Variants in WDR27 observed in about 807,000 individuals in gnomAD.
WDR27 encodes the protein WD repeat-containing protein 27.
WDR27 carries 100 observed loss-of-function variants against 114.4 expected under a neutral mutation model. The ratio of observed to expected loss-of-function variants is 0.87; its 90% CI spans 0.74 to 1.03. WDR27 has a LOEUF of 1.03. Among genes scored for constraint, WDR27 ranks in the 50% least tolerant of loss-of-function variants. The pLI, the probability that WDR27 is intolerant of heterozygous loss-of-function variation, is 0.00. For synonymous variants in WDR27, 449 were observed against 423.1 expected (o/e 1.06, Z -0.75); for missense variants, 1,129 against 1,092.9 (o/e 1.03, Z -0.47).
intron 25 of WDR27, among the ~76,000 whole-genome samples, chr6:169,486,054 G>A (rs1240330461): frequency 6.6e-6 from 1 of 152,062 alleles, no homozygotes; most frequent in Non-Finnish European, 1.5e-5. Context: ...TTGGGTGACA[G>A]GCCTAGTACC....
the WDR27 span, among the ~76,000 whole-genome samples, chr6:169,443,447 G>C: frequency 0.02 from 3,080 of 152,260 alleles, 64 homozygotes; most frequent in East Asian, 0.07. Context: ...ATTTGCACCT[G>C]GGGTACACAT....
intron 14 of WDR27, among the ~76,000 whole-genome samples, chr6:169,649,764 C>T (rs1392031229): frequency 6.6e-6 from 1 of 151,686 alleles, no homozygotes; most frequent in African/African-American, 2.4e-5. Context: ...TTCCTCCATC[C>T]CCTCCATCCA....
intron 25 of WDR27, among the ~76,000 whole-genome samples, chr6:169,489,859 T>C (rs1789509816): frequency 6.6e-6 from 1 of 152,216 alleles, no homozygotes; most frequent in African/African-American, 2.4e-5. Context: ...TGTTTAAAGT[T>C]CCTGAGTCCC....
intron 4 of WDR27, among the ~76,000 whole-genome samples, chr6:169,669,011 T>G (rs1828655611): frequency 6.6e-6 from 1 of 152,222 alleles, no homozygotes; most frequent in Non-Finnish European, 1.5e-5. Flanking sequence ...GTTATGACAC[T>G]GAGTGTTATG....
intron 2 of WDR27, among the ~76,000 whole-genome samples, chr6:169,677,856 G>A (rs1780463998): frequency 6.6e-6 from 1 of 152,278 alleles, no homozygotes; most frequent in African/African-American, 2.4e-5. Flanking sequence ...TTCAGAGGGT[G>A]CAAGCCACAG....
chr6:169,655,639 C>A (rs535017752), intron 13 of WDR27, among the ~76,000 whole-genome samples: 1 of 152,186 alleles, frequency 6.6e-6, no homozygotes, highest in South Asian at 2.1e-4. Flanking sequence ...CTTCTCGGTG[C>A]CTCTTTGCCA....
At chr6:169,667,822 G>C (rs758332093) in intron 5 of WDR27, among the ~76,000 whole-genome samples, 160 bp downstream of exon 5, 1 of 152,256 alleles carries the variant, frequency 6.6e-6, no homozygotes, top group Non-Finnish European at 1.5e-5. Context: ...CGGGCTTGGC[G>C]TTTCTGTGGA....
chr6:169,532,869 G>A (rs1399107164), intron 25 of WDR27, among the ~76,000 whole-genome samples: 1 of 151,370 alleles, frequency 6.6e-6, no homozygotes, highest in Non-Finnish European at 1.5e-5. Context: ...ACACCTAGAA[G>A]GGGAATTATC....
At chr6:169,701,321 T>G (rs1366272394) in intron 1 of WDR27, among the ~76,000 whole-genome samples, 1 of 152,212 alleles carries the variant, frequency 6.6e-6, no homozygotes, top group South Asian at 2.1e-4. Context: ...AACTTGCTGT[T>G]TGGCTCGAGT....
chr6:169,510,115 A>T (rs1333775304), intron 25 of WDR27, among the ~76,000 whole-genome samples: 1 of 152,236 alleles, frequency 6.6e-6, no homozygotes, highest in African/African-American at 2.4e-5. Flanking sequence ...GGCGATCATT[A>T]AAAAGTCAGG....
rs754155800 is a variant in WDR27, at chr6:169,658,279, G to A, written c.1399C>T (p.Arg467Cys). ...TCTCACAGCACCCTGTACTGACCACGTCGCTGTTCACTAGCAGCCTTGGTA... is the reference window on the plus strand; with the variant it reads ...TCTCACAGCACCCTGTACTGACCACATCGCTGTTCACTAGCAGCCTTGGTA... ...KSTKAASEQR[R>C]AARNVMKDQR... The change falls in exon 13 of 26, where the codon CGT (arginine) becomes TGT (cysteine). Residue 467 changes from arginine (R) to cysteine (C), a missense_variant. Arg to Cys is a radical substitution (Grantham distance 180, BLOSUM62 -3). Coordinates refer to ENST00000448612, the MANE Select transcript of WDR27 (RefSeq NM_182552.5). 1.4e-5 allele frequency: 22 copies of A among 1,597,696 alleles called. No homozygotes were observed. The highest frequency in any genetic ancestry group is 1.6e-5 in the Non-Finnish European group (19 of 1,172,172).
chr6:169,563,792 G>A (rs1006499591), intron 25 of WDR27, among the ~76,000 whole-genome samples: 2 of 152,186 alleles, frequency 1.3e-5, no homozygotes, highest in Non-Finnish European at 2.9e-5. Flanking sequence ...GCCCACACCT[G>A]AAGGGGGACA....
At chr6:169,433,381 G>C in the WDR27 span, among the ~76,000 whole-genome samples, 1 of 152,166 alleles carries the variant, frequency 6.6e-6, no homozygotes, top group African/African-American at 2.4e-5. Flanking sequence ...GAGAATGATG[G>C]TTTCCAGCTT....
intron 9 of WDR27, among the ~76,000 whole-genome samples, chr6:169,660,988 G>A (rs930018337): frequency 6.6e-6 from 1 of 151,216 alleles, no homozygotes; most frequent in Non-Finnish European, 1.5e-5. Context: ...TGAGCTCTCC[G>A]CAGGAGTGGG....
In WDR27 at chr6:169,649,227, T is replaced by A. The variant is rs1439886184; in HGVS notation, c.1530A>T (p.Gly510=). The A allele has an allele frequency of 6.3e-7, 1 of 1,578,154 alleles. No homozygotes were observed. The highest frequency in any genetic ancestry group is 8.6e-7 in the Non-Finnish European group (1 of 1,161,194). ...PKTNIKSEGK[G]SSRSRSSCAR... ...CGCAGCTGCTCCTGCTCCTTGAAGATCCTTTCCCCTCACTCTTGATGTTGG... is the reference window on the plus strand; with the variant it reads ...CGCAGCTGCTCCTGCTCCTTGAAGAACCTTTCCCCTCACTCTTGATGTTGG... Residue 510 remains glycine (G), a synonymous_variant, in exon 15 of 26, where the codon GGA becomes GGT. Transcript: ENST00000448612.
At chr6:169,429,947 C>A in the WDR27 span, among the ~76,000 whole-genome samples, 2 of 152,198 alleles carry the variant, frequency 1.3e-5, no homozygotes, top group Non-Finnish European at 2.9e-5. Context: ...TGGGTCCAAA[C>A]ACGTTTTCCA....
At chr6:169,694,247 T>G (rs1327660576) in intron 1 of WDR27, among the ~76,000 whole-genome samples, 3 of 152,022 alleles carry the variant, frequency 2.0e-5, no homozygotes, top group African/African-American at 7.2e-5. Flanking sequence ...GGAGGCTGAG[T>G]ATGCAGTGAG....
chr6:169,700,847 G>C (rs1787762346), intron 1 of WDR27, among the ~76,000 whole-genome samples: 1 of 152,216 alleles, frequency 6.6e-6, no homozygotes, highest in Non-Finnish European at 1.5e-5. Flanking sequence ...TCTCCCTGCT[G>C]TGCCAACCCT....
At chr6:169,687,059 T>C (rs1252899054) in intron 2 of WDR27, among the ~76,000 whole-genome samples, 1 of 152,116 alleles carries the variant, frequency 6.6e-6, no homozygotes, top group Non-Finnish European at 1.5e-5. Flanking sequence ...GAATAAGTTC[T>C]GGTATTCAAG....
Sources: allele counts gnomAD v4.1 joint callset (sites outside exome capture counted in the v4.1 genomes callset), GRCh38; gene constraint gnomAD v4.1.1; transcripts MANE v1.5; gene names NCBI Gene and HGNC (gene_info 2026-07-23, HGNC 2026-07-21).